ANKRD11: variants seen among roughly 807,000 people sequenced by gnomAD.
The protein encoded by ANKRD11 is ankyrin repeat domain 11.
ANKRD11 carries 17 observed loss-of-function variants against 195.7 expected under a neutral mutation model. The observed-to-expected ratio is 0.09, with a 90% CI of 0.06 to 0.13. ANKRD11 has a LOEUF of 0.13. ANKRD11 is among the 10% of genes least tolerant of loss of function. The probability of loss-of-function intolerance (pLI) is 1.00; values close to 1 mark genes in which losing one functional copy is unlikely to be tolerated. For synonymous variants in ANKRD11, 1,953 were observed against 1,528.1 expected, an observed-to-expected ratio of 1.28 and a Z score of -6.49; for missense variants, 3,735 against 3,566.1, an observed-to-expected ratio of 1.05 and a Z score of -1.21.
Position 89,284,365 on chromosome 16 carries a change from T to G in ANKRD11, c.2177A>C (p.Lys726Thr), listed in dbSNP as rs1387283092. The change falls in exon 9 of 13, where the codon AAA becomes ACA. Residue 726 changes from lysine to threonine, a missense_variant. Lys to Thr is a moderately conservative substitution (Grantham distance 78). Coordinates refer to ENST00000301030, the MANE Select transcript of ANKRD11 (RefSeq NM_013275.6). ...TTCTCGGAAAGACCTGCTGATGTCT[T>G]TGTTTGTGTCTTTGATTCTCTTCAG... Reference protein sequence around the residue: ...KSLKRIKDTNKDISRSFREEK... With the variant: ...KSLKRIKDTNTDISRSFREEK... 6.2e-7 allele frequency: 1 copy of G among 1,613,766 alleles called. No homozygotes were observed. The highest frequency in any genetic ancestry group is 8.5e-7 in the Non-Finnish European group (1 of 1,180,006).
chr16:89,372,304 G>A (rs556046026), intron 2 of ANKRD11, among the ~76,000 whole-genome samples: 96 of 152,274 alleles, frequency 6.3e-4, no homozygotes, highest in African/African-American at 2.2e-3. Context: ...AGGCGGAGGC[G>A]GCGGCAGCGC....
chr16:89,283,227 GTCA>G lies in ANKRD11; in HGVS notation c.3312_3314del (p.Asp1105del). ...ACCAGCTTTTCTCTTTGCCTTTCTT[GTCA>G]TCTTTTTTTTCAGAGAAGTCTTCTG... is the stretch of plus-strand genomic sequence containing the variant. On this transcript the variant is annotated inframe_deletion, in exon 9 of 13. Coordinates refer to ENST00000301030, the MANE Select transcript of ANKRD11 (RefSeq NM_013275.6). The surrounding 1 kb of genome is among the most constrained non-coding windows in gnomAD (Gnocchi z 4.3). The G allele has an allele frequency of 6.2e-7, 1 of 1,614,110 alleles. No homozygotes were observed. Among genetic ancestry groups the G allele is most frequent in the Non-Finnish European group, 8.5e-7 (1 of 1,180,044 alleles).
Position 89,323,255 on chromosome 16 carries a change from C to T in ANKRD11, c.-59-6177G>A, listed in dbSNP as rs867237093. On this transcript the variant is annotated intron_variant, in intron 2 of 12. Transcript: ENST00000301030. ...GAAAAAAGGAGAAAAGGAAAAAGAG[C>T]TGCATACCTGGCAGGCCTACTGTGT... The T allele has an allele frequency of 1.8e-5, 22 of 1,256,536 alleles. No homozygotes were observed. In the Middle Eastern group the frequency reaches 2.4e-3, roughly 135 times the overall value. The allele number at this position is 1,256,536 out of a possible 1,614,324, so 77.8% of individuals were successfully genotyped here.
intron 2 of ANKRD11, among the ~76,000 whole-genome samples, chr16:89,385,467 G>A (rs1022408441): frequency 1.3e-5 from 2 of 151,934 alleles, no homozygotes; most frequent in African/African-American, 2.4e-5. Flanking sequence ...GACTGAGCCC[G>A]TCCACAAGCC....
intron 2 of ANKRD11, among the ~76,000 whole-genome samples, chr16:89,331,392 G>A (rs991559439): frequency 3.3e-5 from 5 of 152,184 alleles, no homozygotes; most frequent in African/African-American, 4.8e-5. Flanking sequence ...AGAAGACCCC[G>A]ATCTCTGACA....
chr16:89,485,079 T>C (rs770338608), intron 1 of ANKRD11, among the ~76,000 whole-genome samples: 28 of 114,962 alleles, frequency 2.4e-4, no homozygotes, highest in Non-Finnish European at 4.3e-4. Flanking sequence ...CTCAACAGGA[T>C]TCGGTCCTCT....
chr16:89,368,682 A>G (rs1203322285), intron 2 of ANKRD11, among the ~76,000 whole-genome samples: 1 of 151,778 alleles, frequency 6.6e-6, no homozygotes, highest in Non-Finnish European at 1.5e-5. Flanking sequence ...CTGAAGTGCT[A>G]TAATTGCTTC....
chr16:89,480,169 A>G (rs920512397), intron 1 of ANKRD11, among the ~76,000 whole-genome samples: 2 of 151,808 alleles, frequency 1.3e-5, no homozygotes, highest in Admixed American at 6.6e-5. Flanking sequence ...TCAGACCACA[A>G]GCCTTTTTAA....
intron 7 of ANKRD11, 112 bp from the exon 8 acceptor site, chr16:89,286,298 G>C (rs1448870383): frequency 1.4e-6 from 2 of 1,459,298 alleles, no homozygotes; most frequent in African/African-American, 2.8e-5. Flanking sequence ...CCCGAGAGCA[G>C]CCCCTCACGG....
intron 2 of ANKRD11, among the ~76,000 whole-genome samples, chr16:89,355,802 G>A (rs1311191860): frequency 2.0e-5 from 3 of 152,182 alleles, no homozygotes; most frequent in African/African-American, 2.4e-5. Flanking sequence ...GCCCTGCCAC[G>A]GCGGTTCACG....
At chr16:89,371,279 C>T (rs971753088) in intron 2 of ANKRD11, among the ~76,000 whole-genome samples, 30 of 152,166 alleles carry the variant, frequency 2.0e-4, no homozygotes, top group Non-Finnish European at 4.1e-4. Flanking sequence ...CAGCATGACA[C>T]CACTAGGCAA....
intron 2 of ANKRD11, among the ~76,000 whole-genome samples, chr16:89,414,339 AC>A (rs2042212146): frequency 6.6e-6 from 1 of 152,066 alleles, no homozygotes; most frequent in Non-Finnish European, 1.5e-5. Flanking sequence ...CAAATGGAAC[AC>A]CCACATGTTG....
chr16:89,305,675 TCCG>T (rs2036156230), intron 3 of ANKRD11, among the ~76,000 whole-genome samples: 1 of 35,240 alleles, frequency 2.8e-5, no homozygotes, highest in Non-Finnish European at 6.3e-5. Context: ...TACCTCCCAC[TCCG>T]CAGACACGCG....
At chr16:89,475,702 T>G (rs951764436) in intron 1 of ANKRD11, among the ~76,000 whole-genome samples, 4 of 152,228 alleles carry the variant, frequency 2.6e-5, no homozygotes, top group East Asian at 1.9e-4. Context: ...CTGTGATATC[T>G]CCACGAAACA....
At chr16:89,333,224 A>C (rs1487093271) in intron 2 of ANKRD11, among the ~76,000 whole-genome samples, 1 of 152,222 alleles carries the variant, frequency 6.6e-6, no homozygotes, top group Non-Finnish European at 1.5e-5. Context: ...ACAGACACTG[A>C]AAATAAAACA....
At chr16:89,273,695 C>CA (rs370480077) in intron 11 of ANKRD11, among the ~76,000 whole-genome samples, 2,751 of 133,232 alleles carry the variant, frequency 0.021, 73 homozygotes, top group African/African-American at 0.066. Flanking sequence ...GACTCCGTCA[C>CA]AAAAAAAAAA....
chr16:89,451,883 T>C (rs2044091193), intron 1 of ANKRD11, among the ~76,000 whole-genome samples: 2 of 152,102 alleles, frequency 1.3e-5, no homozygotes, highest in South Asian at 4.1e-4. Flanking sequence ...AGACCTAAAG[T>C]TTAGGGTACA....
chr16:89,376,635 C>A (rs928625972), intron 2 of ANKRD11, among the ~76,000 whole-genome samples: 31 of 152,166 alleles, frequency 2.0e-4, no homozygotes, highest in Non-Finnish European at 3.5e-4. Context: ...ACGAGGGTTT[C>A]ACCATGTTGG....
Position 89,279,556 on chromosome 16 carries a change from A to G in ANKRD11, c.6986T>C (p.Val2329Ala). ...GGTCATGCGCTGAGGGATCTCCTCCACTCGGGGGGCCTTCGGGGCTTCGGC... is the reference window on the plus strand; with the variant it reads ...GGTCATGCGCTGAGGGATCTCCTCCGCTCGGGGGGCCTTCGGGGCTTCGGC... ...PTAEAPKAPRVEEIPQRMTRN... is the reference protein window; with the variant it reads ...PTAEAPKAPRAEEIPQRMTRN... The change falls in exon 9 of 13, where the codon GTG becomes GCG. Residue 2329 changes from valine to alanine, a missense_variant. By Grantham distance (64) the Val-to-Ala change is moderately conservative (BLOSUM62 0). Transcript: ENST00000301030. This position sits in a 1 kb window ranked among gnomAD's most constrained non-coding sequence, Gnocchi z 5.6. The G allele has an allele frequency of 2.1e-6, 3 of 1,428,982 alleles. No individual in the cohort carries two copies. Among genetic ancestry groups the G allele is most frequent in the Non-Finnish European group, 1.9e-6 (2 of 1,065,186 alleles). The allele number at this position is 1,428,982 out of a possible 1,614,324, so 88.5% of individuals were successfully genotyped here.
Sources: allele counts gnomAD v4.1 joint callset (sites outside exome capture counted in the v4.1 genomes callset), GRCh38; gene constraint gnomAD v4.1.1; non-coding constraint Gnocchi (gnomAD v3.1); transcripts MANE v1.5; gene names NCBI Gene and HGNC (gene_info 2026-07-23, HGNC 2026-07-21).